The following ARHGAP15 variants were observed in gnomAD, a reference collection of about 807,000 sequenced individuals.
The protein encoded by ARHGAP15 is rho GTPase-activating protein 15.
ARHGAP15 carries 51 observed loss-of-function variants against 63.7 expected under a neutral mutation model. The observed-to-expected ratio is 0.80, with a 90% CI of 0.64 to 1.01. The LOEUF (loss-of-function observed/expected upper bound fraction) is 1.01, where lower values mean the gene tolerates loss of function less well. Ranked by LOEUF, ARHGAP15 falls within the 50% of genes least tolerant of loss-of-function variation. The pLI is 0.00. For missense variants in ARHGAP15, 560 were observed against 564.6 expected, an observed-to-expected ratio of 0.99 and a Z score of 0.08; for synonymous variants, 191 against 193.8, an observed-to-expected ratio of 0.99 and a Z score of 0.12.
intron 8 of ARHGAP15, among the ~76,000 whole-genome samples, chr2:143,474,536 C>T (rs1015087698): frequency 6.6e-6 from 1 of 152,176 alleles, no homozygotes; most frequent in African/African-American, 2.4e-5. Context: ...TCTTCTGGAA[C>T]ATTCTTCTGG....
chr2:143,567,630 T>G (rs1696283752), intron 11 of ARHGAP15, among the ~76,000 whole-genome samples: 1 of 152,190 alleles, frequency 6.6e-6, no homozygotes, highest in Non-Finnish European at 1.5e-5. Flanking sequence ...AGCCTTGTCC[T>G]TTAGGCCAAA....
chr2:143,662,353 G>T (rs1290974697), intron 12 of ARHGAP15, among the ~76,000 whole-genome samples: 1 of 147,196 alleles, frequency 6.8e-6, no homozygotes, highest in Non-Finnish European at 1.5e-5. Flanking sequence ...GCAGCTGAGG[G>T]TCCTGTCTGT....
chr2:143,356,975 G>A (rs2105327208), intron 6 of ARHGAP15, among the ~76,000 whole-genome samples: 1 of 152,246 alleles, frequency 6.6e-6, no homozygotes, highest in Non-Finnish European at 1.5e-5. Flanking sequence ...ATATCAATTC[G>A]TTTAGTTTTT....
At chr2:143,330,446 A>T (rs1251884370) in intron 6 of ARHGAP15, among the ~76,000 whole-genome samples, 1 of 152,124 alleles carries the variant, frequency 6.6e-6, no homozygotes, top group African/African-American at 2.4e-5. Flanking sequence ...ACCCATAGTA[A>T]TTTGTGTTAA....
intron 13 of ARHGAP15, among the ~76,000 whole-genome samples, chr2:143,736,422 C>T (rs1424388419): frequency 6.8e-6 from 1 of 148,132 alleles, no homozygotes; most frequent in Non-Finnish European, 1.5e-5. Flanking sequence ...AAAAAACAAA[C>T]AACACACCTA....
chr2:143,452,586 G>C (rs1422230072), intron 8 of ARHGAP15, among the ~76,000 whole-genome samples: 1 of 151,608 alleles, frequency 6.6e-6, no homozygotes, highest in African/African-American at 2.4e-5. Context: ...GTATGTAAAA[G>C]ATGCATGTGT....
intron 13 of ARHGAP15, among the ~76,000 whole-genome samples, chr2:143,721,061 CAAA>C (rs60500194): frequency 5.1e-5 from 4 of 78,432 alleles, no homozygotes; most frequent in African/African-American, 9.1e-5. Context: ...GACTCCGTCT[CAAA>C]AAAAAAAAAA....
intron 6 of ARHGAP15, among the ~76,000 whole-genome samples, chr2:143,354,408 G>A (rs1685716430): frequency 6.6e-6 from 1 of 152,136 alleles, no homozygotes; most frequent in Non-Finnish European, 1.5e-5. Flanking sequence ...ACACACAGTA[G>A]TATTTCAGTA....
At chr2:143,373,158 A>T (rs6736928) in intron 6 of ARHGAP15, among the ~76,000 whole-genome samples, 95,370 of 152,004 alleles carry the variant, frequency 0.63, 30,538 homozygotes, top group African/African-American at 0.75. Flanking sequence ...ACTCATCTGA[A>T]TCTCAGGTCA....
At chr2:143,271,613 C>A (rs955132114) in intron 6 of ARHGAP15, among the ~76,000 whole-genome samples, 3 of 152,180 alleles carry the variant, frequency 2.0e-5, no homozygotes, top group Admixed American at 2.0e-4. Flanking sequence ...GTAGCTGGGA[C>A]CACAGGTGCC....
At chr2:143,683,856 A>G (rs1030687741) in intron 12 of ARHGAP15, among the ~76,000 whole-genome samples, 3 of 152,192 alleles carry the variant, frequency 2.0e-5, no homozygotes, top group African/African-American at 7.2e-5. Flanking sequence ...GGATACATTT[A>G]AAATCTTAAT....
chr2:143,734,264 G>A (rs1018110853), intron 13 of ARHGAP15, among the ~76,000 whole-genome samples: 2 of 152,158 alleles, frequency 1.3e-5, no homozygotes, highest in Non-Finnish European at 2.9e-5. Flanking sequence ...CCTTCAGCTT[G>A]CAGCCACACT....
At chr2:143,232,606 C>A (rs970350195) in intron 5 of ARHGAP15, among the ~76,000 whole-genome samples, 3 of 152,158 alleles carry the variant, frequency 2.0e-5, no homozygotes, top group African/African-American at 7.2e-5. Flanking sequence ...CCTGCATAAG[C>A]ACTACCCAGG....
chr2:143,257,499 G>A (rs1680485685), intron 6 of ARHGAP15, among the ~76,000 whole-genome samples: 1 of 152,122 alleles, frequency 6.6e-6, no homozygotes, highest in Non-Finnish European at 1.5e-5. Context: ...CTGGCTATGT[G>A]AGCTCAAAGA....
At chr2:143,491,360 A>G (rs189551536) in intron 9 of ARHGAP15, among the ~76,000 whole-genome samples, 14 of 152,344 alleles carry the variant, frequency 9.2e-5, no homozygotes, top group Admixed American at 7.8e-4. Flanking sequence ...TAGGTAATAC[A>G]GTTTTTAGAG....
At chr2:143,626,928 G>T (rs1314379894) in intron 12 of ARHGAP15, among the ~76,000 whole-genome samples, 1 of 152,226 alleles carries the variant, frequency 6.6e-6, no homozygotes, top group South Asian at 2.1e-4. Flanking sequence ...GAGATGGGGG[G>T]GCTTTAGATG....
intron 13 of ARHGAP15, among the ~76,000 whole-genome samples, chr2:143,738,772 A>T (rs1685850054): frequency 6.6e-6 from 1 of 152,218 alleles, no homozygotes; most frequent in Admixed American, 6.5e-5. Flanking sequence ...AAGAACTTAC[A>T]TTCACCAGCA....
At position 143,216,455 on chromosome 2, in the gene ARHGAP15, T is replaced by C. The variant is rs746078421; in HGVS notation, c.296+10T>C. 5 of 1,578,076 alleles carry C rather than the reference T, an allele frequency of 3.2e-6. No individual in the cohort carries two copies. In the East Asian group the frequency reaches 9.0e-5, roughly 28 times the overall value. On this transcript the variant is annotated intron_variant, in intron 4 of 13. Coordinates refer to ENST00000295095, the MANE Select transcript of ARHGAP15 (RefSeq NM_018460.4). ...GAGGAAAGAAACTAAGGTAATAAAA[T>C]TCTTTAATTCACTTTTATATAACTA...
rs532592543 is a variant in ARHGAP15 at position 143,177,879 on chromosome 2, A to G, written c.165+22224A>G. Among the ~76,000 whole-genome samples, 71 of 152,278 alleles carry G rather than the reference A, an allele frequency of 4.7e-4. 1 individual carries two copies. The highest frequency in any genetic ancestry group is 1.7e-3 in the African/African-American group (69 of 41,564). ...TTTTTCTTTATTTTAGAAAATAGTTATTTTATTAAAAATATGCTATTTGTG... is the reference window on the plus strand; with the variant it reads ...TTTTTCTTTATTTTAGAAAATAGTTGTTTTATTAAAAATATGCTATTTGTG... On this transcript the variant is annotated intron_variant, in intron 2 of 13. Transcript: ENST00000295095.
Sources: gnomAD v4.1 joint callset for allele counts (sites outside exome capture counted in the v4.1 genomes callset) on GRCh38, gnomAD v4.1.1 for gene constraint, MANE v1.5 for transcripts, NCBI Gene and HGNC (gene_info 2026-07-23, HGNC 2026-07-21) for gene names.